The following SIAH3 variants were observed in gnomAD, a reference collection of about 807,000 sequenced individuals.
The protein encoded by SIAH3 is seven in absentia homolog 3.
SIAH3 carries 9 observed loss-of-function variants against 12.6 expected under a neutral mutation model. That is an observed-to-expected ratio of 0.72 (90% confidence interval 0.43 to 1.25). SIAH3 has a LOEUF of 1.25. Ranked by LOEUF, SIAH3 falls within the 50% of genes most tolerant of loss-of-function variation. The pLI, the probability that SIAH3 is intolerant of heterozygous loss-of-function variation, is 0.00. For synonymous variants in SIAH3, 154 were observed against 151.1 expected (o/e 1.02, Z -0.14); for missense variants, 390 against 365.4 (o/e 1.07, Z -0.55).
At chr13:45,822,821 G>A (rs1950661006) in intron 1 of SIAH3, among the ~76,000 whole-genome samples, 1 of 151,986 alleles carries the variant, frequency 6.6e-6, no homozygotes, top group Admixed American at 6.6e-5. Context: ...TTAAAGTGCC[G>A]TGTTCTTGCA....
intron 1 of SIAH3, among the ~76,000 whole-genome samples, chr13:45,817,896 T>C (rs1182832622): frequency 6.6e-6 from 1 of 152,156 alleles, no homozygotes; most frequent in Non-Finnish European, 1.5e-5. Flanking sequence ...CTGTGCCCCT[T>C]TTGCTGTCTA....
intron 1 of SIAH3, among the ~76,000 whole-genome samples, chr13:45,816,128 C>A (rs1448765292): frequency 1.1e-4 from 16 of 152,216 alleles, no homozygotes; most frequent in Admixed American, 1.0e-3. Context: ...CTGGCCTGGG[C>A]CCCTGTGCTT....
intron 1 of SIAH3, among the ~76,000 whole-genome samples, chr13:45,839,438 A>G (rs1033237398): frequency 1.3e-5 from 2 of 152,230 alleles, no homozygotes; most frequent in African/African-American, 4.8e-5. Flanking sequence ...TCTTAAAAAA[A>G]CATGGTCATA....
intron 1 of SIAH3, among the ~76,000 whole-genome samples, chr13:45,825,158 T>G (rs1471158454): frequency 6.6e-6 from 1 of 152,174 alleles, no homozygotes; most frequent in Non-Finnish European, 1.5e-5. Context: ...CACCTCACAC[T>G]TCAGGACTCC....
rs79983792 is a variant in SIAH3 at position 45,833,034 on chromosome 13, A to G, written c.135+18461T>C. Among the ~76,000 whole-genome samples, 495 of 152,352 alleles carry G rather than the reference A, an allele frequency of 3.2e-3. 4 individuals carry two copies. Among genetic ancestry groups the G allele is most frequent in the African/African-American group, 0.012 (479 of 41,584 alleles). On this transcript the variant is annotated intron_variant, in intron 1 of 1. Transcript: ENST00000400405. ...CATCCCTATTGCCAATGACAGCCAG[A>G]AAACAGAGACAGAGGTGGGGGGAAA...
chr13:45,846,925 C>T (rs560635102), intron 1 of SIAH3, among the ~76,000 whole-genome samples: 1 of 152,344 alleles, frequency 6.6e-6, no homozygotes, highest in African/African-American at 2.4e-5. Flanking sequence ...AGAAAAGCCG[C>T]ACGAATGCTC....
At chr13:45,784,235 G>A (rs1950518094) in intron 1 of SIAH3, among the ~76,000 whole-genome samples, 178 bp from the exon 2 acceptor site, 1 of 151,978 alleles carries the variant, frequency 6.6e-6, no homozygotes, top group Non-Finnish European at 1.5e-5. Context: ...GACAGAGTGG[G>A]CGCCTTGGGG....
intron 1 of SIAH3, among the ~76,000 whole-genome samples, chr13:45,801,330 C>G (rs916221392): frequency 6.6e-6 from 1 of 152,100 alleles, no homozygotes; most frequent in Admixed American, 6.5e-5. Context: ...GAGAGGTGAG[C>G]ACTCCTGGAA....
intron 1 of SIAH3, among the ~76,000 whole-genome samples, chr13:45,791,953 A>T (rs1247918771): frequency 6.6e-6 from 1 of 152,108 alleles, no homozygotes; most frequent in Non-Finnish European, 1.5e-5. Context: ...CCAGGAGGTA[A>T]CTTTAACCCA....
At chr13:45,801,987 T>G (rs936322710) in intron 1 of SIAH3, among the ~76,000 whole-genome samples, 1 of 152,126 alleles carries the variant, frequency 6.6e-6, no homozygotes, top group Non-Finnish European at 1.5e-5. Flanking sequence ...CACAGAAGAA[T>G]CAACTGAAAG....
rs564410101 is a variant in SIAH3 at position 45,780,278 on chromosome 13, T to G, written c.*3105A>C. Reference sequence around the variant, plus strand: ...TCCAGGTGGACTAGTGCTTTTTTTTTTTTTCTAAAGAGATAGGGTCTCACT... The same window carrying G: ...TCCAGGTGGACTAGTGCTTTTTTTTGTTTTCTAAAGAGATAGGGTCTCACT... On this transcript the variant is annotated 3_prime_UTR_variant, in exon 2 of 2. Transcript: ENST00000400405. 1 of 152,020 alleles carries G rather than the reference T, an allele frequency of 6.6e-6. No homozygotes were observed. Among genetic ancestry groups the G allele is most frequent in the East Asian group, 1.9e-4 (1 of 5,202 alleles). The allele number at this position is 152,020 out of a possible 1,614,324, so 9.4% of individuals were successfully genotyped here.
intron 1 of SIAH3, among the ~76,000 whole-genome samples, chr13:45,825,065 T>C (rs956466331): frequency 1.3e-5 from 2 of 152,146 alleles, no homozygotes; most frequent in African/African-American, 4.8e-5. Flanking sequence ...TACATATTTA[T>C]CGATTTCCAC....
At chr13:45,812,660 T>A (rs943882249) in intron 1 of SIAH3, among the ~76,000 whole-genome samples, 8 of 152,034 alleles carry the variant, frequency 5.3e-5, no homozygotes, top group Non-Finnish European at 1.2e-4. Context: ...CATAAATATA[T>A]AACACACACA....
Position 45,790,706 on chromosome 13 carries a change from T to G in SIAH3, c.136-6649A>C, listed in dbSNP as rs1330224825. Among the ~76,000 whole-genome samples, 7 of 152,342 alleles carry G rather than the reference T, an allele frequency of 4.6e-5. No individual in the cohort carries two copies. The East Asian group carries it at 1.2e-3, about 25-fold the overall frequency. ...TTAGTAACAGCTTCCAATATGAAGA[T>G]CACACTGGTTCTGTCCTTTATACCA... On this transcript the variant is annotated intron_variant, in intron 1 of 1. Coordinates refer to ENST00000400405, the MANE Select transcript of SIAH3 (RefSeq NM_198849.3).
intron 1 of SIAH3, among the ~76,000 whole-genome samples, chr13:45,847,648 T>TGTGTGTGTGC (rs764131044): frequency 1.3e-5 from 2 of 150,514 alleles, no homozygotes; most frequent in Non-Finnish European, 3.0e-5. Flanking sequence ...TGTGTGTGTG[T>TGTGTGTGTGC]GCACGTGTGT....
At chr13:45,789,364 CTATCTAT>C (rs1950538216) in intron 1 of SIAH3, among the ~76,000 whole-genome samples, 1 of 9,338 alleles carries the variant, frequency 1.1e-4, no homozygotes, top group Non-Finnish European at 3.5e-4. Context: ...TATCATCTAT[CTATCTAT>C]CTATCTATCT....
intron 1 of SIAH3, 63 bp from the exon 2 acceptor site, chr13:45,784,120 C>T (rs961887935): frequency 1.4e-6 from 2 of 1,450,784 alleles, no homozygotes; most frequent in Non-Finnish European, 9.3e-7. Flanking sequence ...CCGCCACTCC[C>T]CTGATGTTCA....
chr13:45,833,331 T>A, intron 1 of SIAH3, among the ~76,000 whole-genome samples: 1 of 152,146 alleles, frequency 6.6e-6, no homozygotes, highest in Non-Finnish European at 1.5e-5. Context: ...CTAGACTCCC[T>A]TAGAGCTATC....
At chr13:45,846,081 C>CT (rs1950758858) in intron 1 of SIAH3, among the ~76,000 whole-genome samples, 1 of 82,924 alleles carries the variant, frequency 1.2e-5, no homozygotes, top group Non-Finnish European at 2.2e-5. Context: ...GAAGACCTAA[C>CT]TTCTTTTTTT....
Sources: gnomAD v4.1 joint callset for allele counts (sites outside exome capture counted in the v4.1 genomes callset) on GRCh38, gnomAD v4.1.1 for gene constraint, MANE v1.5 for transcripts, NCBI Gene and HGNC (gene_info 2026-07-23, HGNC 2026-07-21) for gene names.